MDGA2: variants seen among roughly 807,000 people sequenced by gnomAD.
The protein encoded by MDGA2 is MAM domain containing glycosylphosphatidylinositol anchor 2, also known as MAM domain-containing glycosylphosphatidylinositol anchor protein 2.
In MDGA2, 40 loss-of-function variants were observed where a neutral mutation model predicts 117.8. That is an observed-to-expected ratio of 0.34 (90% CI 0.26 to 0.44). The LOEUF is 0.44. Ranked by LOEUF, MDGA2 falls within the 20% of genes least tolerant of loss-of-function variation. The pLI, the probability that MDGA2 is intolerant of heterozygous loss-of-function variation, is 1.00. For synonymous variants in MDGA2, 452 were observed against 439.0 expected (o/e 1.03, Z -0.37); for missense variants, 1,123 against 1,250.6 (o/e 0.90, Z 1.54).
chr14:47,381,175 A>C (rs1318698927), intron 1 of MDGA2, among the ~76,000 whole-genome samples: 1 of 152,208 alleles, frequency 6.6e-6, no homozygotes, highest in Non-Finnish European at 1.5e-5. Context: ...TCAAGCTAAA[A>C]ACTCTCAATA....
rs867250967 is a variant in MDGA2, at chr14:47,404,546, G to A, written c.281-102996C>T. ...GTCTCACTCTGTTGCCCATGCTGGAGTGCAGTGATGGGATCATGGCTCATG... is the reference window on the plus strand; with the variant it reads ...GTCTCACTCTGTTGCCCATGCTGGAATGCAGTGATGGGATCATGGCTCATG... On this transcript the variant is annotated intron_variant, in intron 1 of 16. Coordinates refer to ENST00000399232, the MANE Select transcript of MDGA2 (RefSeq NM_001113498.3). Among the ~76,000 whole-genome samples, 8 of 152,016 alleles carry A rather than the reference G, an allele frequency of 5.3e-5. No homozygotes were observed. The Middle Eastern group carries it at 0.017, about 323-fold the overall frequency.
intron 1 of MDGA2, among the ~76,000 whole-genome samples, chr14:47,670,627 G>C (rs1168075073): frequency 6.6e-6 from 1 of 152,112 alleles, no homozygotes; most frequent in Non-Finnish European, 1.5e-5. Context: ...CATACAGATA[G>C]CTAGGTTTTA....
chr14:47,347,912 T>C (rs1291290186), intron 1 of MDGA2, among the ~76,000 whole-genome samples: 4 of 152,108 alleles, frequency 2.6e-5, no homozygotes, highest in African/African-American at 9.7e-5. Flanking sequence ...AAATGTTCAA[T>C]AACATCAAGT....
chr14:47,620,591 C>T (rs1897031721), intron 1 of MDGA2, among the ~76,000 whole-genome samples: 1 of 152,114 alleles, frequency 6.6e-6, no homozygotes, highest in Admixed American at 6.5e-5. Flanking sequence ...TAAACTTTGC[C>T]CCCAAATTTT....
chr14:47,475,271 G>A (rs1057389975), intron 1 of MDGA2, among the ~76,000 whole-genome samples: 22 of 152,190 alleles, frequency 1.4e-4, no homozygotes, highest in African/African-American at 5.3e-4. Flanking sequence ...GTACCACAAT[G>A]AGATACCATC....
At chr14:47,121,475 A>C (rs754098527) in intron 5 of MDGA2, among the ~76,000 whole-genome samples, 1 of 152,078 alleles carries the variant, frequency 6.6e-6, no homozygotes, top group Non-Finnish European at 1.5e-5. Flanking sequence ...CTATGATTTA[A>C]TATTACTTCT....
intron 1 of MDGA2, among the ~76,000 whole-genome samples, chr14:47,589,055 C>G (rs1304327996): frequency 1.3e-5 from 2 of 151,868 alleles, no homozygotes; most frequent in African/African-American, 4.8e-5. Flanking sequence ...TTGGGCTCAC[C>G]TAGATAATCA....
At position 47,301,300 on chromosome 14, in the gene MDGA2, CACA is replaced by C. The variant is rs1566728457; in HGVS notation, c.420+108_420+110del. Reference sequence around the variant, plus strand: ...ACACACACACCCACACCCACCCACACACACACACACACACACACACAGTTTTAG... The same window carrying C: ...ACACACACACCCACACCCACCCACACCACACACACACACACACAGTTTTAG... On this transcript the variant is annotated intron_variant, in intron 2 of 16. Transcript: ENST00000399232. 1.3e-3 allele frequency: 444 copies of C among 343,890 alleles called. 3 individuals are homozygous for C. The South Asian group carries it at 0.018, about 14-fold the overall frequency. 21.3% of individuals were successfully genotyped at this position (343,890 alleles called of 1,614,324 possible).
intron 5 of MDGA2, among the ~76,000 whole-genome samples, chr14:47,098,238 G>A (rs1880091827): frequency 8.0e-6 from 1 of 125,250 alleles, no homozygotes; most frequent in South Asian, 2.6e-4. Flanking sequence ...TACTTGTGAA[G>A]TTCAAAACTG....
At chr14:47,659,983 T>C (rs2138288967) in intron 1 of MDGA2, among the ~76,000 whole-genome samples, 2 of 152,142 alleles carry the variant, frequency 1.3e-5, no homozygotes, top group Middle Eastern at 6.8e-3. Flanking sequence ...AAGCATTTGG[T>C]CAGATATTAG....
At chr14:47,065,745 A>G (rs1400614446) in intron 6 of MDGA2, among the ~76,000 whole-genome samples, 1 of 152,184 alleles carries the variant, frequency 6.6e-6, no homozygotes, top group East Asian at 1.9e-4. Context: ...TGGAGATAAT[A>G]AATATGAGGT....
At chr14:47,618,903 T>C (rs773681242) in intron 1 of MDGA2, among the ~76,000 whole-genome samples, 11 of 151,892 alleles carry the variant, frequency 7.2e-5, no homozygotes, top group Admixed American at 5.9e-4. Context: ...GGGCCACACA[T>C]ACAAGGCACA....
chr14:47,575,254 C>T (rs917354680), intron 1 of MDGA2, among the ~76,000 whole-genome samples: 1 of 152,066 alleles, frequency 6.6e-6, no homozygotes, highest in East Asian at 1.9e-4. Context: ...AAATCAAATC[C>T]CAGTACTACA....
chr14:47,180,986 G>A (rs760334400), intron 3 of MDGA2, among the ~76,000 whole-genome samples: 1 of 152,082 alleles, frequency 6.6e-6, no homozygotes, highest in Non-Finnish European at 1.5e-5. Flanking sequence ...AGGTTGCAGA[G>A]GAAAACGATC....
chr14:47,645,476 C>T (rs1055990843), intron 1 of MDGA2, among the ~76,000 whole-genome samples: 22 of 151,426 alleles, frequency 1.5e-4, no homozygotes, highest in Admixed American at 2.6e-4. Context: ...CCTCAAGATC[C>T]GCCCGCCTCG....
chr14:47,408,585 G>C (rs546230987), intron 1 of MDGA2, among the ~76,000 whole-genome samples: 7 of 152,298 alleles, frequency 4.6e-5, no homozygotes, highest in African/African-American at 1.4e-4. Context: ...CCGGAAATCA[G>C]CAAGGACAAT....
intron 3 of MDGA2, among the ~76,000 whole-genome samples, chr14:47,198,399 C>A (rs1197091448): frequency 6.6e-6 from 1 of 152,034 alleles, no homozygotes; most frequent in Non-Finnish European, 1.5e-5. Context: ...AGTGAAACCC[C>A]GTCTCTACTA....
intron 1 of MDGA2, among the ~76,000 whole-genome samples, chr14:47,640,654 C>T (rs1326081601): frequency 1.3e-5 from 2 of 152,098 alleles, no homozygotes; most frequent in African/African-American, 4.8e-5. Context: ...TTCTAAGATC[C>T]ATCTACTCTC....
chr14:47,094,912 A>G (rs1352332147), intron 6 of MDGA2, among the ~76,000 whole-genome samples: 2 of 152,032 alleles, frequency 1.3e-5, no homozygotes, highest in East Asian at 3.9e-4. Flanking sequence ...CAAGGCTTAA[A>G]ATGAGCCCCA....
Sources: allele counts gnomAD v4.1 joint callset (sites outside exome capture counted in the v4.1 genomes callset), GRCh38; gene constraint gnomAD v4.1.1; transcripts MANE v1.5; gene names NCBI Gene and HGNC (gene_info 2026-07-23, HGNC 2026-07-21).